AAR2: variants seen among roughly 807,000 people sequenced by gnomAD.
AAR2 encodes the protein AAR2 splicing factor, also known as protein AAR2 homolog.
In AAR2, 31 loss-of-function variants were observed where a neutral mutation model predicts 26.9. The observed-to-expected ratio is 1.15, with a 90% confidence interval of 0.86 to 1.55. The LOEUF (loss-of-function observed/expected upper bound fraction) is 1.55, where lower values mean the gene tolerates loss of function less well. AAR2 is among the 40% of genes most tolerant of loss of function. AAR2 has a pLI of 0.00. For synonymous variants in AAR2, 188 were observed against 196.1 expected (o/e 0.96, Z 0.34); for missense variants, 430 against 491.3 (o/e 0.88, Z 1.18).
At chr20:36,251,564 G>C (rs902200319) in intron 3 of AAR2, among the ~76,000 whole-genome samples, 1 of 152,084 alleles carries the variant, frequency 6.6e-6, no homozygotes, top group Admixed American at 6.6e-5. Flanking sequence ...CAAGACAAAA[G>C]GTCTGGGCAG....
chr20:36,245,934 C>G (rs1459890199), intron 3 of AAR2, among the ~76,000 whole-genome samples: 1 of 152,174 alleles, frequency 6.6e-6, no homozygotes, highest in Non-Finnish European at 1.5e-5. Flanking sequence ...ACAGGAGGAT[C>G]ACTTAGCCCA....
intron 1 of AAR2, among the ~76,000 whole-genome samples, chr20:36,238,406 C>G (rs1001574383): frequency 6.6e-6 from 1 of 152,108 alleles, no homozygotes; most frequent in African/African-American, 2.4e-5. Flanking sequence ...ATAAAATGTG[C>G]TCTTATTTTT....
At chr20:36,247,492 C>G (rs547560204) in intron 3 of AAR2, among the ~76,000 whole-genome samples, 37 of 152,288 alleles carry the variant, frequency 2.4e-4, no homozygotes, top group Admixed American at 9.8e-4. Context: ...TCCGTTTTCC[C>G]CCATCAACTC....
At position 36,256,023 on chromosome 20, in the gene AAR2, A is replaced by G. The variant is rs1458507771; in HGVS notation, c.*278A>G. ...CAGGCTCTTACACACACACGCTCCT[A>G]GGAGACATCTGCCTACACGGCAACC... On this transcript the variant is annotated 3_prime_UTR_variant, in exon 4 of 4. Coordinates refer to ENST00000320849, the MANE Select transcript of AAR2 (RefSeq NM_001271874.2). 7.8e-6 allele frequency: 3 copies of G among 383,876 alleles called. No homozygotes were observed. Among genetic ancestry groups the G allele is most frequent in the African/African-American group, 2.0e-5 (1 of 49,474 alleles). 23.8% of individuals were successfully genotyped at this position (383,876 alleles called of 1,614,324 possible). A position where few individuals can be genotyped will look rare whatever the true frequency, so the allele number is the denominator to read the frequency against.
chr20:36,237,765 T>C (rs1289427713), intron 1 of AAR2, among the ~76,000 whole-genome samples: 1 of 134,516 alleles, frequency 7.4e-6, no homozygotes, highest in Non-Finnish European at 1.5e-5. Flanking sequence ...ATTATTATTA[T>C]TATTATTATT....
chr20:36,255,088 T>TA (rs112619484), intron 3 of AAR2, among the ~76,000 whole-genome samples: 20 of 150,554 alleles, frequency 1.3e-4, no homozygotes, highest in African/African-American at 2.2e-4. Context: ...TTACCACAAT[T>TA]AAAAAAAAAA....
chr20:36,255,922 G>A lies in AAR2; in HGVS notation c.*177G>A. The A allele has an allele frequency of 4.5e-6, 4 of 892,748 alleles. No individual in the cohort carries two copies. Among genetic ancestry groups the A allele is most frequent in the Non-Finnish European group, 6.6e-6 (4 of 610,270 alleles). The allele number at this position is 892,748 out of a possible 1,614,324, so 55.3% of individuals were successfully genotyped here. ...AATATATTTCTTCATTGCCAAAGAGGCTGTACCCATCCTGAAGGCACATTT... is the reference window on the plus strand; with the variant it reads ...AATATATTTCTTCATTGCCAAAGAGACTGTACCCATCCTGAAGGCACATTT... On this transcript the variant is annotated 3_prime_UTR_variant, in exon 4 of 4. Transcript: ENST00000320849.
rs563698220 is a variant in AAR2 at position 36,249,602 on chromosome 20, C to A, written c.987+4676C>A. Among the ~76,000 whole-genome samples the A allele has an allele frequency of 2.6e-5, 4 of 152,284 alleles. No individual in the cohort carries two copies. In the East Asian group the frequency reaches 7.7e-4, roughly 29 times the overall value. On this transcript the variant is annotated intron_variant, in intron 3 of 3. Transcript: ENST00000320849. Reference sequence around the variant, plus strand: ...TCTATGGTATTTTTATCACGATGCCCACTATGATAAATTTGCCTGCCTACT... The same window carrying A: ...TCTATGGTATTTTTATCACGATGCCAACTATGATAAATTTGCCTGCCTACT...
At position 36,256,001 on chromosome 20, in the gene AAR2, G is replaced by A. The variant is rs1388141602; in HGVS notation, c.*256G>A. ...GCTAACCTGGCTGAATTTCACACAGGCTCTTACACACACACGCTCCTAGGA... is the reference window on the plus strand; with the variant it reads ...GCTAACCTGGCTGAATTTCACACAGACTCTTACACACACACGCTCCTAGGA... On this transcript the variant is annotated 3_prime_UTR_variant, in exon 4 of 4. Coordinates refer to ENST00000320849, the MANE Select transcript of AAR2 (RefSeq NM_001271874.2). 6.1e-6 allele frequency: 3 copies of A among 493,008 alleles called. No homozygotes were observed. Among genetic ancestry groups the A allele is most frequent in the Non-Finnish European group, 3.6e-6 (1 of 276,404 alleles). The allele number at this position is 493,008 out of a possible 1,614,324, so 30.5% of individuals were successfully genotyped here.
chr20:36,255,614 G>A lies in AAR2; in HGVS notation c.1024G>A (p.Ala342Thr). 2 of 1,614,198 alleles carry A rather than the reference G, an allele frequency of 1.2e-6. No individual in the cohort carries two copies. Among genetic ancestry groups the A allele is most frequent in the Non-Finnish European group, 1.7e-6 (2 of 1,180,036 alleles). The change falls in exon 4 of 4, where the codon GCC (alanine) becomes ACC (threonine). Residue 342 changes from alanine (A) to threonine (T), a missense_variant. Coordinates refer to ENST00000320849, the MANE Select transcript of AAR2 (RefSeq NM_001271874.2). The part of the protein sequence containing the change: ...FSSACSIAVD[A>T]TLRKKAEKFQ... ...CTCTGCCTGCAGCATTGCCGTGGAT[G>A]CCACCCTGAGAAAGAAAGCTGAAAA...
intron 2 of AAR2, among the ~76,000 whole-genome samples, chr20:36,243,394 A>C (rs2064702802): frequency 6.6e-6 from 1 of 152,242 alleles, no homozygotes; most frequent in South Asian, 2.1e-4. Context: ...CTATTCACAC[A>C]AATCAAACTT....
rs780486276 is a variant in AAR2 at position 36,255,741 on chromosome 20, G to A, written c.1151G>A (p.Gly384Asp). 2 of 1,614,008 alleles carry A rather than the reference G, an allele frequency of 1.2e-6. No individual in the cohort carries two copies. The highest frequency in any genetic ancestry group is 1.7e-6 in the Non-Finnish European group (2 of 1,180,028). The part of the protein sequence containing the change: ...VVELPEGIEM[G>D] ...GAGCTCCCTGAGGGCATCGAGATGG[G>A]CTAACTCGGGGAGCGCTCTCAGCTG... Residue 384 changes from glycine (G) to aspartate (D), a missense_variant, in exon 4 of 4, where the codon GGC becomes GAC. Coordinates refer to ENST00000320849, the MANE Select transcript of AAR2 (RefSeq NM_001271874.2).
chr20:36,255,884 T>C lies in AAR2; in HGVS notation c.*139T>C. 10 of 1,058,770 alleles carry C rather than the reference T, an allele frequency of 9.4e-6. No individual in the cohort carries two copies. Among genetic ancestry groups the C allele is most frequent in the Non-Finnish European group, 1.3e-5 (10 of 751,894 alleles). The allele number at this position is 1,058,770 out of a possible 1,614,324, so 65.6% of individuals were successfully genotyped here. A position where few individuals can be genotyped will look rare whatever the true frequency, so the allele number is the denominator to read the frequency against. On this transcript the variant is annotated 3_prime_UTR_variant, in exon 4 of 4. Coordinates refer to ENST00000320849, the MANE Select transcript of AAR2 (RefSeq NM_001271874.2). ...CTGCAAAGATGGAGCCAGAATTCCCTTTTTCACTGATAAATATATTTCTTC... is the reference window on the plus strand; with the variant it reads ...CTGCAAAGATGGAGCCAGAATTCCCCTTTTCACTGATAAATATATTTCTTC...
At chr20:36,244,397 AT>A (rs2064713228) in intron 2 of AAR2, among the ~76,000 whole-genome samples, 1 of 152,212 alleles carries the variant, frequency 6.6e-6, no homozygotes, top group Non-Finnish European at 1.5e-5. Context: ...CCATGAACAC[AT>A]TTTGTAAACT....
intron 3 of AAR2, among the ~76,000 whole-genome samples, chr20:36,247,462 T>C (rs914332285): frequency 6.6e-6 from 1 of 152,158 alleles, no homozygotes; most frequent in African/African-American, 2.4e-5. Flanking sequence ...CTTATCCTGT[T>C]CTCCAGCTTC....
chr20:36,238,925 A>G (rs1272450464), intron 1 of AAR2, among the ~76,000 whole-genome samples: 1 of 152,084 alleles, frequency 6.6e-6, no homozygotes, highest in Non-Finnish European at 1.5e-5. Flanking sequence ...GCACTCAGTG[A>G]GTATTTGTTA....
intron 3 of AAR2, among the ~76,000 whole-genome samples, chr20:36,253,088 CCT>C (rs998378246): frequency 6.6e-6 from 1 of 151,714 alleles, no homozygotes; most frequent in African/African-American, 2.4e-5. Context: ...CCCCCCATCA[CCT>C]CTCTGTGTTC....
chr20:36,242,179 G>A (rs1296907805), intron 2 of AAR2, among the ~76,000 whole-genome samples: 1 of 131,714 alleles, frequency 7.6e-6, no homozygotes, highest in Non-Finnish European at 1.6e-5. Context: ...ACAGGGTTTC[G>A]CTGTGTCGCC....
In AAR2 at chr20:36,239,873, C is replaced by A; in HGVS notation, c.5C>A (p.Ala2Asp). 1 of 1,579,856 alleles carries A rather than the reference C, an allele frequency of 6.3e-7. No homozygotes were observed. The highest frequency in any genetic ancestry group is 8.6e-7 in the Non-Finnish European group (1 of 1,157,272). M[A>D]AVQMDPELAK... is the part of the protein sequence containing the mutation. The stretch of plus-strand genomic sequence containing the variant: ...TGGTCACCCACCACTGGCCCCATGG[C>A]TGCCGTGCAGATGGATCCTGAGCTA... Residue 2 changes from alanine (A) to aspartate (D), a missense_variant, in exon 2 of 4, where the codon GCT (alanine) becomes GAT (aspartate). Coordinates refer to ENST00000320849, the MANE Select transcript of AAR2 (RefSeq NM_001271874.2).
Sources: allele counts gnomAD v4.1 joint callset (sites outside exome capture counted in the v4.1 genomes callset), GRCh38; gene constraint gnomAD v4.1.1; transcripts MANE v1.5; gene names NCBI Gene and HGNC (gene_info 2026-07-23, HGNC 2026-07-21).